Variants in ADGRE3 observed in about 807,000 individuals in gnomAD.
The protein encoded by ADGRE3 is EGF-like module receptor 3.
Under a neutral mutation model 80.1 loss-of-function variants are expected in ADGRE3, and 88 were observed. The observed-to-expected ratio is 1.10, with a 90% CI of 0.93 to 1.31. The LOEUF (loss-of-function observed/expected upper bound fraction) is 1.31. Among genes scored for constraint, ADGRE3 ranks in the 40% most tolerant of loss-of-function variants. The pLI, the probability that ADGRE3 is intolerant of heterozygous loss-of-function variation, is 0.00. For missense variants in ADGRE3, 715 were observed against 776.5 expected (o/e 0.92, Z 0.94); for synonymous variants, 281 against 294.8 (o/e 0.95, Z 0.48).
chr19:14,636,141 T>TCTTC (rs1249910807), intron 11 of ADGRE3, among the ~76,000 whole-genome samples: 1 of 15,542 alleles, frequency 6.4e-5, no homozygotes, highest in African/African-American at 1.6e-4. Flanking sequence ...TTTCTTTCTT[T>TCTTC]CTTTCTTTCT....
At chr19:14,620,579 T>TACA (rs1568471793) in intron 15 of ADGRE3, among the ~76,000 whole-genome samples, 1 of 26,188 alleles carries the variant, frequency 3.8e-5, no homozygotes, top group Non-Finnish European at 7.5e-5. Flanking sequence ...TTTTTTTTTT[T>TACA]TTTTTTTTTT....
At chr19:14,659,166 C>T (rs916400181) in intron 4 of ADGRE3, among the ~76,000 whole-genome samples, 3 of 151,546 alleles carry the variant, frequency 2.0e-5, no homozygotes, top group African/African-American at 7.3e-5. Flanking sequence ...CCCCAAGTAG[C>T]TGGGACTGTA....
At chr19:14,657,745 A>ATATT (rs113050691) in intron 5 of ADGRE3, among the ~76,000 whole-genome samples, 12 of 126,192 alleles carry the variant, frequency 9.5e-5, no homozygotes, top group East Asian at 2.8e-4. Context: ...ATATATATAT[A>ATATT]TTTTTTTGTT....
At chr19:14,620,548 T>TATTATATATATATA in intron 15 of ADGRE3, among the ~76,000 whole-genome samples, 15 of 24,968 alleles carry the variant, frequency 6.0e-4, no homozygotes, top group African/African-American at 1.3e-3. Flanking sequence ...TATATATATA[T>TATTATATATATATA]TATATATATA....
intron 11 of ADGRE3, among the ~76,000 whole-genome samples, chr19:14,636,081 C>CCTTTCTTTCTTTCTTTCTTTCT (rs1971052774): frequency 6.9e-4 from 17 of 24,676 alleles, no homozygotes; most frequent in African/African-American, 1.9e-3. Context: ...CTTTCCTTTC[C>CCTTTCTTTCTTTCTTTCTTTCT]CTTTCTTTCT....
intron 11 of ADGRE3, among the ~76,000 whole-genome samples, chr19:14,635,536 C>G (rs894185603): frequency 6.6e-5 from 10 of 151,738 alleles, no homozygotes; most frequent in Non-Finnish European, 8.8e-5. Flanking sequence ...CTCAGCCTCC[C>G]AAATAGCTGA....
chr19:14,630,006 G>C, intron 14 of ADGRE3, 33 bp downstream of exon 14: 2 of 1,450,098 alleles, frequency 1.4e-6, no homozygotes, highest in Non-Finnish European at 1.8e-6. Flanking sequence ...ATTTTCTTAA[G>C]TTTAAATAAC....
the ADGRE3 span, among the ~76,000 whole-genome samples, chr19:14,611,487 C>G: frequency 1.3e-5 from 2 of 150,686 alleles, no homozygotes; most frequent in Non-Finnish European, 2.9e-5. Flanking sequence ...GAGTGATCCT[C>G]CTGCCTCAGC....
chr19:14,629,015 T>C (rs916962649), intron 14 of ADGRE3, among the ~76,000 whole-genome samples: 13 of 151,970 alleles, frequency 8.6e-5, no homozygotes, highest in Non-Finnish European at 1.6e-4. Context: ...CTCTGCCTCC[T>C]GGGTTCAAGT....
intron 11 of ADGRE3, among the ~76,000 whole-genome samples, chr19:14,633,694 G>A (rs1202729277): frequency 1.5e-5 from 2 of 137,044 alleles, no homozygotes; most frequent in Non-Finnish European, 3.1e-5. Flanking sequence ...GACAGACTGA[G>A]ACTCCGTCTC....
downstream of ADGRE3, among the ~76,000 whole-genome samples, chr19:14,614,386 A>G (rs1030369869): frequency 1.4e-4 from 21 of 152,192 alleles, no homozygotes; most frequent in African/African-American, 4.8e-4. Context: ...CACATCTCTC[A>G]TGATTATCTA....
At chr19:14,669,709 T>C (rs1972200412) in intron 1 of ADGRE3, among the ~76,000 whole-genome samples, 1 of 152,008 alleles carries the variant, frequency 6.6e-6, no homozygotes, top group African/African-American at 2.4e-5. Context: ...AGGCTGGTCT[T>C]GAACCCCTGA....
intron 2 of ADGRE3, among the ~76,000 whole-genome samples, chr19:14,665,055 ATTTTTTTTT>A (rs916325882): frequency 4.5e-5 from 4 of 89,806 alleles, no homozygotes; most frequent in Non-Finnish European, 8.8e-5. Context: ...GAGCAACCTC[ATTTTTTTTT>A]TTTTTTTTTT....
chr19:14,672,286 G>T (rs1465620884), intron 1 of ADGRE3, among the ~76,000 whole-genome samples: 1 of 152,176 alleles, frequency 6.6e-6, no homozygotes, highest in African/African-American at 2.4e-5. Context: ...TCATCGGTGT[G>T]TCAGAATCCC....
chr19:14,656,278 G>A (rs1365249250), intron 5 of ADGRE3, among the ~76,000 whole-genome samples: 1 of 148,104 alleles, frequency 6.8e-6, no homozygotes, highest in Non-Finnish European at 1.5e-5. Flanking sequence ...CTGGAAGGCA[G>A]AGGAGGCAGA....
At chr19:14,607,421 T>C in the ADGRE3 span, among the ~76,000 whole-genome samples, 1 of 151,656 alleles carries the variant, frequency 6.6e-6, no homozygotes, top group Non-Finnish European at 1.5e-5. Context: ...GCCAGGATGG[T>C]CTTGATCTCC....
chr19:14,613,263 C>A, the ADGRE3 span, among the ~76,000 whole-genome samples: 1 of 152,082 alleles, frequency 6.6e-6, no homozygotes, highest in Non-Finnish European at 1.5e-5. Context: ...ACTCTGTCGC[C>A]CAGGCTGGAG....
At chr19:14,663,739 T>C (rs1199667352) in intron 2 of ADGRE3, among the ~76,000 whole-genome samples, 199 bp from the exon 3 acceptor site, 1 of 151,640 alleles carries the variant, frequency 6.6e-6, no homozygotes, top group African/African-American at 2.4e-5. Flanking sequence ...CTCAGGAGGC[T>C]GAGGCAGGAG....
chr19:14,637,813 G>A (rs2146832650), intron 11 of ADGRE3, among the ~76,000 whole-genome samples: 1 of 151,850 alleles, frequency 6.6e-6, no homozygotes, highest in South Asian at 2.1e-4. Context: ...ACAGGTGTGA[G>A]CCACCACACC....
Sources: gnomAD v4.1 joint callset for allele counts (sites outside exome capture counted in the v4.1 genomes callset) on GRCh38, gnomAD v4.1.1 for gene constraint, MANE v1.5 for transcripts, NCBI Gene and HGNC (gene_info 2026-07-23, HGNC 2026-07-21) for gene names.